MARCHF8: variants seen among roughly 807,000 people sequenced by gnomAD.
MARCHF8 encodes membrane associated ring-CH-type finger 8.
MARCHF8 carries 40 observed loss-of-function variants against 51.6 expected under a neutral mutation model. The observed-to-expected ratio is 0.77, with a 90% CI of 0.60 to 1.01. The LOEUF is 1.01. Among genes scored for constraint, MARCHF8 ranks in the 50% least tolerant of loss-of-function variants. The pLI is 0.00. For missense variants in MARCHF8, 685 were observed against 708.6 expected, an observed-to-expected ratio of 0.97 and a Z score of 0.38; for synonymous variants, 263 against 280.3, an observed-to-expected ratio of 0.94 and a Z score of 0.62.
chr10:45,533,217 C>A lies in MARCHF8; in HGVS notation c.-6G>T. ...TGATGCAGTGGCATGCTCATCCCAA[C>A]CTCTTATCTGGTCGTCTTCTTCACA... On this transcript the variant is annotated 5_prime_UTR_variant, in exon 2 of 8. Transcript: ENST00000453424. 1 of 1,600,924 alleles carries A rather than the reference C, an allele frequency of 6.2e-7. No homozygotes were observed. The highest frequency in any genetic ancestry group is 8.5e-7 in the Non-Finnish European group (1 of 1,175,920).
chr10:45,562,547 A>G (rs185309341), intron 1 of MARCHF8, among the ~76,000 whole-genome samples: 2 of 152,366 alleles, frequency 1.3e-5, no homozygotes, highest in East Asian at 3.9e-4. Flanking sequence ...CTATCCTTCA[A>G]GAACAAAGAT....
upstream of MARCHF8, among the ~76,000 whole-genome samples, chr10:45,540,082 A>G (rs1273487641): frequency 6.6e-6 from 1 of 152,264 alleles, no homozygotes; most frequent in Non-Finnish European, 1.5e-5. Context: ...TTCCATGCTC[A>G]TGGGTAGGAA....
rs562055549 is a variant in MARCHF8, at chr10:45,533,087, T to TA, written c.102+22dup. The TA allele has an allele frequency of 4.5e-6, 7 of 1,566,366 alleles. No homozygotes were observed. In the East Asian group the frequency reaches 1.6e-4, roughly 35 times the overall value. ...AAAAATTTAATAAAAATAATGAAAC[T>TA]AAAAAAGATACTCTCCCAGTACCTG... On this transcript the variant is annotated intron_variant, in intron 2 of 7. Transcript: ENST00000453424.
chr10:45,562,308 T>G (rs2044319633), intron 1 of MARCHF8, among the ~76,000 whole-genome samples: 1 of 152,104 alleles, frequency 6.6e-6, no homozygotes, highest in Admixed American at 6.5e-5. Context: ...AACATACACC[T>G]ACCAATATAA....
At chr10:45,577,848 C>T (rs982144541) in intron 1 of MARCHF8, among the ~76,000 whole-genome samples, 1 of 152,104 alleles carries the variant, frequency 6.6e-6, no homozygotes, top group African/African-American at 2.4e-5. Context: ...CAGCAAGATC[C>T]CATCTCTACT....
chr10:45,581,570 T>C (rs1018849873), intron 1 of MARCHF8, among the ~76,000 whole-genome samples: 68 of 152,232 alleles, frequency 4.5e-4, no homozygotes, highest in African/African-American at 1.6e-3. Flanking sequence ...CTTGCTCCTA[T>C]AAATATCTTA....
intron 2 of MARCHF8, among the ~76,000 whole-genome samples, chr10:45,531,812 T>C (rs1177860767): frequency 6.6e-6 from 1 of 152,190 alleles, no homozygotes; most frequent in African/African-American, 2.4e-5. Context: ...GTAGGAATAA[T>C]ATCTCCCAAG....
intron 2 of MARCHF8, among the ~76,000 whole-genome samples, chr10:45,500,957 T>A (rs1472257044): frequency 6.6e-6 from 1 of 151,824 alleles, no homozygotes; most frequent in East Asian, 1.9e-4. Context: ...ACTGAAGTAT[T>A]TAGGTGCACA....
chr10:45,463,946 G>A lies in MARCHF8; in HGVS notation c.293C>T (p.Ala98Val). 6.5e-7 allele frequency: 1 copy of A among 1,536,188 alleles called. No individual in the cohort carries two copies. Among genetic ancestry groups the A allele is most frequent in the Non-Finnish European group, 8.7e-7 (1 of 1,146,922 alleles). Residue 98 changes from alanine to valine, a missense_variant, in exon 5 of 8, where the codon GCT becomes GTT. By Grantham distance (64) the Ala-to-Val change is moderately conservative (BLOSUM62 0). Transcript: ENST00000453424. ...ECCHHSSVQS[A>V]VVSKAPHCQS... ...GCAGTGAGGAGCTTTCGAGACAACA[G>A]CAGACTGCACGGAACTGTGGTGACA... is the stretch of plus-strand genomic sequence containing the variant.
In MARCHF8 at chr10:45,500,475, G is replaced by C. The variant is rs2043258761; in HGVS notation, c.103-11058C>G. On this transcript the variant is annotated intron_variant, in intron 2 of 7. Coordinates refer to ENST00000453424, the MANE Select transcript of MARCHF8 (RefSeq NM_001282866.2). Reference sequence around the variant, plus strand: ...ATTTCCAGTAATGTGTTGTACAGCAGTGGCAAAACCAGGCAACCTTATCTT... The same window carrying C: ...ATTTCCAGTAATGTGTTGTACAGCACTGGCAAAACCAGGCAACCTTATCTT... 2.0e-5 allele frequency among the ~76,000 whole-genome samples: 3 copies of C among 152,110 alleles called. No homozygotes were observed. The South Asian group carries it at 6.2e-4, about 32-fold the overall frequency.
intron 2 of MARCHF8, among the ~76,000 whole-genome samples, chr10:45,506,235 A>T (rs2043381457): frequency 6.6e-6 from 1 of 152,170 alleles, no homozygotes; most frequent in Non-Finnish European, 1.5e-5. Context: ...AAGTTCACAT[A>T]AAAAAAGCAA....
chr10:45,486,824 T>C (rs944185398), intron 3 of MARCHF8, among the ~76,000 whole-genome samples: 6 of 150,254 alleles, frequency 4.0e-5, no homozygotes, highest in Non-Finnish European at 7.4e-5. Context: ...TTTTTTTTTT[T>C]TTGAGACGGA....
intron 1 of MARCHF8, among the ~76,000 whole-genome samples, chr10:45,549,846 A>C (rs1177980813): frequency 1.8e-4 from 28 of 152,156 alleles, no homozygotes. Flanking sequence ...CCACCATGGG[A>C]TGATGCAGCA....
intron 4 of MARCHF8, 92 bp downstream of exon 4, chr10:45,464,147 G>T: frequency 6.4e-7 from 1 of 1,562,300 alleles, no homozygotes; most frequent in Non-Finnish European, 8.8e-7. Flanking sequence ...AAGGCAGATT[G>T]ATTAAGCAAA....
At chr10:45,459,519 T>G (rs528584452) in intron 6 of MARCHF8, among the ~76,000 whole-genome samples, 1 of 152,342 alleles carries the variant, frequency 6.6e-6, no homozygotes, top group Admixed American at 6.5e-5. Context: ...TCCCCTTGTC[T>G]GCTTATTCTT....
chr10:45,573,792 T>A (rs1002487557), intron 1 of MARCHF8, among the ~76,000 whole-genome samples: 1 of 152,168 alleles, frequency 6.6e-6, no homozygotes, highest in African/African-American at 2.4e-5. Flanking sequence ...GGCTACCAAC[T>A]CCACATTACC....
chr10:45,530,818 G>A (rs188292652), intron 2 of MARCHF8, among the ~76,000 whole-genome samples: 6 of 152,114 alleles, frequency 3.9e-5, no homozygotes, highest in Admixed American at 1.3e-4. Flanking sequence ...AAAACTGACC[G>A]AAGTGAGGGA....
intron 2 of MARCHF8, among the ~76,000 whole-genome samples, chr10:45,517,056 C>G (rs186343248): frequency 3.9e-5 from 6 of 152,344 alleles, no homozygotes; most frequent in Admixed American, 2.0e-4. Context: ...AAAGGACAGA[C>G]AGTTTGGCAC....
intron 2 of MARCHF8, among the ~76,000 whole-genome samples, chr10:45,497,157 A>G (rs992771407): frequency 2.6e-4 from 40 of 152,256 alleles, no homozygotes; most frequent in Middle Eastern, 3.4e-3. Flanking sequence ...CACCATAAAA[A>G]GGGGTAGTCA....
Sources: gnomAD v4.1 joint callset for allele counts (sites outside exome capture counted in the v4.1 genomes callset) on GRCh38, gnomAD v4.1.1 for gene constraint, MANE v1.5 for transcripts, NCBI Gene and HGNC (gene_info 2026-07-23, HGNC 2026-07-21) for gene names.